Variants in RELN observed in about 807,000 individuals in gnomAD.
RELN encodes reelin.
Under a neutral mutation model 427.6 loss-of-function variants are expected in RELN, and 108 were observed. The ratio of observed to expected loss-of-function variants is 0.25; its 90% confidence interval spans 0.22 to 0.30. The LOEUF (loss-of-function observed/expected upper bound fraction) is 0.30. Ranked by LOEUF, RELN falls within the 10% of genes least tolerant of loss-of-function variation. RELN has a pLI of 1.00. For missense variants in RELN, 3,715 were observed against 4,302.8 expected (o/e 0.86, Z 3.82); for synonymous variants, 1,524 against 1,513.4 (o/e 1.01, Z -0.16).
chr7:103,571,234 C>A (rs547904439), intron 31 of RELN, among the ~76,000 whole-genome samples: 1 of 152,310 alleles, frequency 6.6e-6, no homozygotes, highest in African/African-American at 2.4e-5. Context: ...TTAGAAGGTG[C>A]AAACTCTTTA....
chr7:103,701,363 G>A (rs574685327), intron 8 of RELN, among the ~76,000 whole-genome samples: 2 of 152,122 alleles, frequency 1.3e-5, no homozygotes, highest in African/African-American at 4.8e-5. Context: ...TATCAATTAG[G>A]AGTGATTATA....
intron 3 of RELN, among the ~76,000 whole-genome samples, chr7:103,828,800 T>C (rs150877991): frequency 1.3e-5 from 2 of 151,982 alleles, no homozygotes; most frequent in African/African-American, 4.8e-5. Context: ...TATATTCATA[T>C]AGAGATAGAT....
intron 4 of RELN, among the ~76,000 whole-genome samples, chr7:103,761,211 T>A: frequency 6.6e-6 from 1 of 152,278 alleles, no homozygotes; most frequent in Middle Eastern, 3.4e-3. Flanking sequence ...TATATCTTTA[T>A]AACCTGCAAC....
intron 31 of RELN, among the ~76,000 whole-genome samples, chr7:103,570,260 T>A (rs1157832961): frequency 6.6e-6 from 1 of 152,238 alleles, no homozygotes; most frequent in African/African-American, 2.4e-5. Context: ...TATTGTATGA[T>A]AAGCAGATGC....
intron 20 of RELN, among the ~76,000 whole-genome samples, chr7:103,615,860 G>T (rs1318716664): frequency 6.6e-6 from 1 of 152,184 alleles, no homozygotes; most frequent in Non-Finnish European, 1.5e-5. Flanking sequence ...ACAAGGTTTT[G>T]AGGTTATCTT....
rs892996523 is a variant in RELN at position 103,864,746 on chromosome 7, G to GA, written c.338-31075dup. 2.3e-4 allele frequency among the ~76,000 whole-genome samples: 35 copies of GA among 151,536 alleles called. 1 individual carries two copies. Among genetic ancestry groups the GA allele is most frequent in the African/African-American group, 5.1e-4 (21 of 41,336 alleles). ...AGAAATAGAAAATAGAAAAACAATA[G>GA]AAAAAAACAACAAAACTGAGTTTGG... is the stretch of plus-strand genomic sequence containing the variant. On this transcript the variant is annotated intron_variant, in intron 2 of 64. Coordinates refer to ENST00000428762, the MANE Select transcript of RELN (RefSeq NM_005045.4).
intron 52 of RELN, among the ~76,000 whole-genome samples, chr7:103,501,368 C>T (rs944734215): frequency 1.5e-4 from 23 of 152,176 alleles, no homozygotes; most frequent in Admixed American, 1.5e-3. Flanking sequence ...GGTCGGGAGG[C>T]AGCATTTTCT....
intron 43 of RELN, among the ~76,000 whole-genome samples, chr7:103,542,057 C>T (rs1223871317): frequency 3.9e-5 from 6 of 152,108 alleles, no homozygotes; most frequent in African/African-American, 1.2e-4. Flanking sequence ...CATGTTAAAC[C>T]ATCTTTTTTA....
At position 103,981,742 on chromosome 7, in the gene RELN, T is replaced by G. The variant is rs149655585; in HGVS notation, c.226+7389A>C. 3.4e-3 allele frequency among the ~76,000 whole-genome samples: 511 copies of G among 152,360 alleles called. 4 individuals are homozygous for G. Among genetic ancestry groups the G allele is most frequent in the African/African-American group, 0.012 (484 of 41,578 alleles). On this transcript the variant is annotated intron_variant, in intron 1 of 64. Transcript: ENST00000428762. ...AAGTTTTGTTCCACCATCATTGGCA[T>G]GTGGCCATTATCCTCAAGGTCACAA...
chr7:103,605,457 T>C (rs1317617202), intron 22 of RELN, among the ~76,000 whole-genome samples: 2 of 152,150 alleles, frequency 1.3e-5, no homozygotes, highest in African/African-American at 4.8e-5. Context: ...TGAAACGAAA[T>C]ATAAAGTCCA....
intron 12 of RELN, among the ~76,000 whole-genome samples, chr7:103,656,445 T>C (rs1263701288): frequency 6.7e-6 from 1 of 149,986 alleles, no homozygotes; most frequent in Non-Finnish European, 1.5e-5. Context: ...GTTACTAGAG[T>C]TTCTAGCTGA....
chr7:103,558,473 G>A (rs945665916), intron 36 of RELN, among the ~76,000 whole-genome samples: 2 of 152,152 alleles, frequency 1.3e-5, no homozygotes, highest in African/African-American at 4.8e-5. Flanking sequence ...GTTCCAAGGA[G>A]TCTTAGGAAC....
chr7:103,709,011 A>G (rs1354688613), intron 8 of RELN, among the ~76,000 whole-genome samples: 1 of 152,166 alleles, frequency 6.6e-6, no homozygotes, highest in Non-Finnish European at 1.5e-5. Context: ...GTGCCTTGAG[A>G]GCTGCTTCAC....
At chr7:103,785,572 C>T (rs1791994839) in intron 3 of RELN, among the ~76,000 whole-genome samples, 2 of 152,092 alleles carry the variant, frequency 1.3e-5, no homozygotes, top group South Asian at 4.1e-4. Flanking sequence ...GTGTGTCTTA[C>T]TTTCTTAATC....
chr7:103,955,654 A>G (rs959396158), intron 1 of RELN, among the ~76,000 whole-genome samples: 4 of 152,190 alleles, frequency 2.6e-5, no homozygotes, highest in African/African-American at 9.7e-5. Context: ...TTCCTGGCTC[A>G]GGTTTCTGAC....
chr7:103,937,549 T>G (rs540116859), intron 1 of RELN, among the ~76,000 whole-genome samples: 2 of 152,204 alleles, frequency 1.3e-5, no homozygotes, highest in Non-Finnish European at 2.9e-5. Context: ...GTAAAAACCA[T>G]GTATGTCTTT....
At chr7:103,877,213 A>C (rs1794500976) in intron 2 of RELN, among the ~76,000 whole-genome samples, 1 of 151,870 alleles carries the variant, frequency 6.6e-6, no homozygotes, top group African/African-American at 2.4e-5. Context: ...CTATGGCTTT[A>C]CTTGTCATCT....
At chr7:103,717,718 AAG>A (rs2115880253) in intron 8 of RELN, among the ~76,000 whole-genome samples, 1 of 152,230 alleles carries the variant, frequency 6.6e-6, no homozygotes, top group South Asian at 2.1e-4. Flanking sequence ...CATGTTTCAG[AAG>A]AGGTGTTCAC....
chr7:103,841,236 A>G (rs1438316434), intron 2 of RELN, among the ~76,000 whole-genome samples: 2 of 152,202 alleles, frequency 1.3e-5, no homozygotes, highest in East Asian at 1.9e-4. Flanking sequence ...ATTGTGTACA[A>G]ACATCTTAAA....
Sources: allele counts gnomAD v4.1 joint callset (sites outside exome capture counted in the v4.1 genomes callset), GRCh38; gene constraint gnomAD v4.1.1; transcripts MANE v1.5; gene names NCBI Gene and HGNC (gene_info 2026-07-23, HGNC 2026-07-21).